The following PREX2 variants were observed in gnomAD, a reference collection of about 807,000 sequenced individuals.
The protein encoded by PREX2 is phosphatidylinositol 3,4,5-trisphosphate-dependent Rac exchanger 2 protein.
PREX2 carries 107 observed loss-of-function variants against 203.2 expected under a neutral mutation model. That is an observed-to-expected ratio of 0.53 (90% CI 0.45 to 0.62). The LOEUF (loss-of-function observed/expected upper bound fraction) is 0.62, where lower values mean the gene tolerates loss of function less well. Among genes scored for constraint, PREX2 ranks in the 20% least tolerant of loss-of-function variants. PREX2 has a pLI of 0.00. For missense variants in PREX2, 1,777 were observed against 1,955.9 expected, an observed-to-expected ratio of 0.91 and a Z score of 1.72; for synonymous variants, 672 against 663.6, an observed-to-expected ratio of 1.01 and a Z score of -0.19.
At chr8:68,195,000 T>A (rs1208309404) in intron 37 of PREX2, among the ~76,000 whole-genome samples, 1 of 152,176 alleles carries the variant, frequency 6.6e-6, no homozygotes, top group Non-Finnish European at 1.5e-5. Flanking sequence ...TGGTACAAGA[T>A]CATAGTTATC....
At chr8:68,224,880 T>G (rs988967933) in intron 39 of PREX2, among the ~76,000 whole-genome samples, 1 of 152,152 alleles carries the variant, frequency 6.6e-6, no homozygotes, top group South Asian at 2.1e-4. Context: ...ACTACTAAAA[T>G]TTGAAATCCA....
chr8:68,182,238 T>C (rs1236999417), intron 35 of PREX2, among the ~76,000 whole-genome samples: 1 of 152,140 alleles, frequency 6.6e-6, no homozygotes, highest in Non-Finnish European at 1.5e-5. Context: ...AGTCTTTTCT[T>C]AGAACTGAAC....
At chr8:67,978,252 A>T (rs1462790375) in intron 1 of PREX2, among the ~76,000 whole-genome samples, 2 of 151,956 alleles carry the variant, frequency 1.3e-5, no homozygotes, top group Admixed American at 1.3e-4. Context: ...CTGTGTTGTG[A>T]GAGTATCATA....
At chr8:68,046,349 C>T (rs1391325689) in intron 8 of PREX2, among the ~76,000 whole-genome samples, 1 of 151,996 alleles carries the variant, frequency 6.6e-6, no homozygotes, top group African/African-American at 2.4e-5. Flanking sequence ...TGTAAGAGCC[C>T]AGGACCTTTG....
intron 6 of PREX2, among the ~76,000 whole-genome samples, chr8:68,036,392 C>T (rs955859393): frequency 2.0e-5 from 3 of 152,184 alleles, no homozygotes; most frequent in Middle Eastern, 3.4e-3. Flanking sequence ...ATTTGAGGTA[C>T]TCGGGTGATT....
chr8:68,050,802 T>C (rs1053202549), intron 8 of PREX2, among the ~76,000 whole-genome samples: 2 of 152,080 alleles, frequency 1.3e-5, no homozygotes, highest in African/African-American at 4.8e-5. Context: ...GGAGTAAGAA[T>C]CTGTGAGGCA....
chr8:68,115,188 C>T (rs374526887), intron 25 of PREX2, among the ~76,000 whole-genome samples: 11 of 151,970 alleles, frequency 7.2e-5, no homozygotes, highest in East Asian at 1.9e-4. Flanking sequence ...CCACCACGCC[C>T]GGCTAATTTT....
At position 68,069,196 on chromosome 8, in the gene PREX2, A is replaced by G. The variant is rs1204766006; in HGVS notation, c.1443+60A>G. ...AATGCATGTTGTCATTCTTCAGAAG[A>G]TAAAAGGTAGTTGAGAAACATAAAA... On this transcript the variant is annotated intron_variant, in intron 12 of 39. Coordinates refer to ENST00000288368, the MANE Select transcript of PREX2 (RefSeq NM_024870.4). 3.6e-6 allele frequency: 3 copies of G among 826,776 alleles called. No homozygotes were observed. In the African/African-American group the frequency reaches 5.5e-5, roughly 15 times the overall value. 51.2% of individuals were successfully genotyped at this position (826,776 alleles called of 1,614,324 possible). A position where few individuals can be genotyped will look rare whatever the true frequency, so the allele number is the denominator to read the frequency against.
intron 35 of PREX2, among the ~76,000 whole-genome samples, chr8:68,170,386 G>A (rs1486947061): frequency 6.6e-6 from 1 of 152,360 alleles, no homozygotes; most frequent in Non-Finnish European, 1.5e-5. Flanking sequence ...GCACAAGGCA[G>A]TAGTGAAGCC....
chr8:68,053,300 A>G, intron 9 of PREX2, 54 bp downstream of exon 9: 1 of 1,562,824 alleles, frequency 6.4e-7, no homozygotes, highest in Admixed American at 1.8e-5. Flanking sequence ...AACTTAGCAT[A>G]GGAGCAGATA....
intron 33 of PREX2, among the ~76,000 whole-genome samples, chr8:68,139,537 A>T (rs371269155): frequency 6.6e-6 from 1 of 152,128 alleles, no homozygotes; most frequent in South Asian, 2.1e-4. Context: ...GAATTACGGG[A>T]TGTGTGTTCC....
chr8:68,073,425 T>G (rs900267791), intron 14 of PREX2, among the ~76,000 whole-genome samples: 3 of 152,104 alleles, frequency 2.0e-5, no homozygotes, highest in African/African-American at 7.2e-5. Flanking sequence ...TTCAAGTAGA[T>G]AATAGTTGAT....
At chr8:68,196,939 A>G (rs925208746) in intron 37 of PREX2, among the ~76,000 whole-genome samples, 2 of 152,148 alleles carry the variant, frequency 1.3e-5, no homozygotes, top group East Asian at 3.9e-4. Flanking sequence ...AGAACGGACT[A>G]ACACACTGAG....
chr8:67,969,046 T>C (rs1290104423), intron 1 of PREX2, among the ~76,000 whole-genome samples: 1 of 152,178 alleles, frequency 6.6e-6, no homozygotes, highest in East Asian at 1.9e-4. Context: ...GCTCAGCGTC[T>C]TAATGCTCAT....
At position 68,083,412 on chromosome 8, in the gene PREX2, AT is replaced by A; in HGVS notation, c.2027+30del. 3 of 1,560,272 alleles carry A rather than the reference AT, an allele frequency of 1.9e-6. No individual in the cohort carries two copies. In the South Asian group the frequency reaches 3.5e-5, roughly 18 times the overall value. On this transcript the variant is annotated intron_variant, in intron 18 of 39. Transcript: ENST00000288368. ...GAGTAAGTTGTATGATTTATGTGTG[AT>A]TTTTTAAAAGTTATACATAGATAAG... is the stretch of plus-strand genomic sequence containing the variant.
intron 1 of PREX2, among the ~76,000 whole-genome samples, chr8:67,964,343 T>C (rs1482506047): frequency 1.3e-5 from 2 of 151,274 alleles, no homozygotes; most frequent in Non-Finnish European, 3.0e-5. Context: ...CAGCTGAAAC[T>C]TAGGGAGTTC....
At chr8:68,143,122 A>G (rs1484244241) in intron 33 of PREX2, among the ~76,000 whole-genome samples, 2 of 152,136 alleles carry the variant, frequency 1.3e-5, no homozygotes, top group African/African-American at 2.4e-5. Context: ...TCTTTAGCCT[A>G]TTTTTAAAAT....
chr8:68,082,358 C>G (rs911147250), intron 17 of PREX2: 2 of 152,208 alleles, frequency 1.3e-5, no homozygotes, highest in Admixed American at 1.3e-4. Flanking sequence ...CTCCTATCTG[C>G]TAATGCCCAA....
At position 68,083,310 on chromosome 8, in the gene PREX2, A is replaced by G. The variant is rs745346220; in HGVS notation, c.1949A>G (p.Asn650Ser). The change falls in exon 18 of 40, where the codon AAT becomes AGT. Residue 650 changes from asparagine (N) to serine (S), a missense_variant. Physicochemically the swap from Asn to Ser is conservative, Grantham distance 46. Coordinates refer to ENST00000288368, the MANE Select transcript of PREX2 (RefSeq NM_024870.4). Reference protein sequence around the residue: ...NGDLVFMRPFNEVDCFLKSCL... With the variant: ...NGDLVFMRPFSEVDCFLKSCL... ...GACCTAGTTTTTATGAGACCTTTCA[A>G]TGAAGTGGATTGCTTCCTGAAATCG... 7 of 1,611,168 alleles carry G rather than the reference A, an allele frequency of 4.3e-6. No homozygotes were observed. Among genetic ancestry groups the G allele is most frequent in the East Asian group, 2.2e-5 (1 of 44,830 alleles).
Sources: allele counts gnomAD v4.1 joint callset (sites outside exome capture counted in the v4.1 genomes callset), GRCh38; gene constraint gnomAD v4.1.1; transcripts MANE v1.5; gene names NCBI Gene and HGNC (gene_info 2026-07-23, HGNC 2026-07-21).